PRKG1: variants seen among roughly 807,000 people sequenced by gnomAD.
The protein encoded by PRKG1 is cGMP-dependent protein kinase 1.
PRKG1 carries 35 observed loss-of-function variants against 88.1 expected under a neutral mutation model. The observed-to-expected ratio is 0.40, with a 90% CI of 0.30 to 0.53. PRKG1 has a LOEUF of 0.53. PRKG1 is among the 20% of genes least tolerant of loss of function. The pLI, the probability that PRKG1 is intolerant of heterozygous loss-of-function variation, is 0.59. For synonymous variants in PRKG1, 303 were observed against 292.5 expected (o/e 1.04, Z -0.37); for missense variants, 540 against 839.8 (o/e 0.64, Z 4.41).
At chr10:52,065,336 G>C (rs1778171192) in intron 7 of PRKG1, among the ~76,000 whole-genome samples, 2 of 152,104 alleles carry the variant, frequency 1.3e-5, no homozygotes, top group African/African-American at 2.4e-5. Context: ...CCTAGGGAGG[G>C]ACAGCAATAG....
At chr10:52,247,184 AT>A (rs1338862486) in intron 9 of PRKG1, among the ~76,000 whole-genome samples, 2 of 152,112 alleles carry the variant, frequency 1.3e-5, no homozygotes, top group Admixed American at 6.6e-5. Flanking sequence ...AACAATAATA[AT>A]TTTTTTAAAA....
chr10:51,701,441 C>T (rs755596370), intron 3 of PRKG1, among the ~76,000 whole-genome samples: 1 of 152,096 alleles, frequency 6.6e-6, no homozygotes, highest in Non-Finnish European at 1.5e-5. Context: ...ACCCAAGATG[C>T]GCGACAGTTT....
chr10:52,098,630 G>T (rs375541877), intron 7 of PRKG1, among the ~76,000 whole-genome samples: 1 of 152,162 alleles, frequency 6.6e-6, no homozygotes, highest in Non-Finnish European at 1.5e-5. Context: ...GTAAATAGAT[G>T]TATAAATGTA....
At chr10:51,493,664 T>G (rs907014091) in intron 3 of PRKG1, among the ~76,000 whole-genome samples, 10 of 152,124 alleles carry the variant, frequency 6.6e-5, no homozygotes, top group Admixed American at 6.6e-5. Context: ...AGGAAAAAAT[T>G]GAAATTGTTT....
At chr10:52,167,918 G>C (rs536829483) in intron 9 of PRKG1, among the ~76,000 whole-genome samples, 1 of 152,164 alleles carries the variant, frequency 6.6e-6, no homozygotes, top group East Asian at 1.9e-4. Flanking sequence ...TTCTTCTCTT[G>C]TCAAAATCTA....
intron 4 of PRKG1, among the ~76,000 whole-genome samples, chr10:51,871,012 T>C (rs1192708192): frequency 6.6e-6 from 1 of 152,178 alleles, no homozygotes; most frequent in African/African-American, 2.4e-5. Context: ...TTTCTAATCA[T>C]TTCTGTCTTC....
intron 4 of PRKG1, among the ~76,000 whole-genome samples, chr10:51,856,325 C>T (rs540396921): frequency 6.6e-6 from 1 of 152,254 alleles, no homozygotes; most frequent in East Asian, 1.9e-4. Context: ...CCAACTACCC[C>T]AGGTTAGAAT....
At chr10:51,372,806 A>ATT (rs949350694) in intron 2 of PRKG1, among the ~76,000 whole-genome samples, 9 of 152,140 alleles carry the variant, frequency 5.9e-5, no homozygotes, top group Non-Finnish European at 1.0e-4. Flanking sequence ...TTTCTGCTTC[A>ATT]TTTTATAAAT....
At chr10:52,133,934 A>G (rs1404532507) in intron 8 of PRKG1, 29 bp downstream of exon 8, 1 of 1,560,618 alleles carries the variant, frequency 6.4e-7, no homozygotes, top group African/African-American at 1.4e-5. Context: ...TATGTGAATT[A>G]CACACTCATA....
chr10:51,216,579 A>C (rs1299974263), intron 2 of PRKG1, among the ~76,000 whole-genome samples: 2 of 152,182 alleles, frequency 1.3e-5, no homozygotes, highest in Non-Finnish European at 2.9e-5. Context: ...CATATGCAAA[A>C]TACTTAAGAC....
At chr10:51,814,022 A>G (rs181819664) in intron 4 of PRKG1, among the ~76,000 whole-genome samples, 23 of 152,276 alleles carry the variant, frequency 1.5e-4, no homozygotes, top group Admixed American at 3.9e-4. Context: ...ATGATTTCTA[A>G]AACAAATATT....
Position 51,778,034 on chromosome 10 carries a change from T to G in PRKG1, c.593-26551T>G, listed in dbSNP as rs75738713. Among the ~76,000 whole-genome samples, 315 of 152,326 alleles carry G rather than the reference T, an allele frequency of 2.1e-3. 3 individuals carry two copies. The highest frequency in any genetic ancestry group is 6.9e-3 in the African/African-American group (285 of 41,580). ...TCCTGAAAGACATTTTGATTGCTTC[T>G]GATGACTGTTCTATCTTAATTCTGA... On this transcript the variant is annotated intron_variant, in intron 3 of 17. Transcript: ENST00000373980.
intron 3 of PRKG1, among the ~76,000 whole-genome samples, chr10:51,485,725 A>G (rs1411803952): frequency 6.7e-6 from 1 of 148,982 alleles, no homozygotes; most frequent in Non-Finnish European, 1.5e-5. Flanking sequence ...TAAGCTGGCA[A>G]AAAGCTTCTT....
At chr10:51,545,524 A>G (rs1270718606) in intron 3 of PRKG1, among the ~76,000 whole-genome samples, 2 of 152,226 alleles carry the variant, frequency 1.3e-5, no homozygotes, top group East Asian at 3.9e-4. Flanking sequence ...TATGTAGACA[A>G]TTTCTATCTC....
intron 3 of PRKG1, among the ~76,000 whole-genome samples, chr10:51,744,935 A>C (rs1180465110): frequency 6.6e-6 from 1 of 152,170 alleles, no homozygotes; most frequent in Non-Finnish European, 1.5e-5. Context: ...GAGATTTTGA[A>C]ATTTTATTTT....
At chr10:51,804,520 G>A in intron 3 of PRKG1, 65 bp from the exon 4 acceptor site, 1 of 1,102,864 alleles carries the variant, frequency 9.1e-7, no homozygotes, top group South Asian at 1.3e-5. Context: ...TTTGCAGGAT[G>A]TTGTTCACAG....
intron 3 of PRKG1, among the ~76,000 whole-genome samples, chr10:51,728,961 A>C (rs946302985): frequency 1.3e-5 from 2 of 152,168 alleles, no homozygotes; most frequent in Non-Finnish European, 2.9e-5. Context: ...AAGCCATTTT[A>C]TTTCTTTCTG....
At chr10:51,158,312 CA>C (rs966079137) in intron 2 of PRKG1, among the ~76,000 whole-genome samples, 30 of 151,872 alleles carry the variant, frequency 2.0e-4, no homozygotes, top group African/African-American at 5.8e-4. Flanking sequence ...ACTATGCAAT[CA>C]GTATGTTGAA....
At chr10:51,309,493 T>C (rs1045081837) in intron 2 of PRKG1, among the ~76,000 whole-genome samples, 1 of 152,130 alleles carries the variant, frequency 6.6e-6, no homozygotes, top group Non-Finnish European at 1.5e-5. Context: ...ATATGAAAAA[T>C]GCTTAACATC....
Sources: gnomAD v4.1 joint callset for allele counts (sites outside exome capture counted in the v4.1 genomes callset) on GRCh38, gnomAD v4.1.1 for gene constraint, MANE v1.5 for transcripts, NCBI Gene and HGNC (gene_info 2026-07-23, HGNC 2026-07-21) for gene names.